TGFB2: variants seen among roughly 807,000 people sequenced by gnomAD.
The protein encoded by TGFB2 is transforming growth factor beta 2.
TGFB2 carries 13 observed loss-of-function variants against 42.7 expected under a neutral mutation model. The observed-to-expected ratio is 0.30, with a 90% CI of 0.20 to 0.48. The LOEUF (loss-of-function observed/expected upper bound fraction) is 0.48. Among genes scored for constraint, TGFB2 ranks in the 20% least tolerant of loss-of-function variants. The pLI is 0.99. For synonymous variants in TGFB2, 193 were observed against 193.6 expected (o/e 1.00, Z 0.03); for missense variants, 390 against 517.5 (o/e 0.75, Z 2.39).
At chr1:218,414,253 A>G (rs1255376515) in intron 2 of TGFB2, among the ~76,000 whole-genome samples, 2 of 146,986 alleles carry the variant, frequency 1.4e-5, no homozygotes, top group Admixed American at 6.8e-5. Context: ...ACACACACAC[A>G]CGCACACACG....
chr1:218,436,270 A>G, intron 5 of TGFB2, 123 bp downstream of exon 5: 1 of 914,152 alleles, frequency 1.1e-6, no homozygotes, highest in Non-Finnish European at 1.6e-6. Flanking sequence ...AGAGTGCAGT[A>G]CAGCTCCTGT....
At chr1:218,373,093 G>A (rs138410979) in intron 1 of TGFB2, among the ~76,000 whole-genome samples, 1,758 of 152,178 alleles carry the variant, frequency 0.012, 31 homozygotes, top group East Asian at 0.086. Flanking sequence ...TAGGAGAATC[G>A]CTTGAATCTG....
chr1:218,399,857 G>A (rs1353670844), intron 1 of TGFB2, among the ~76,000 whole-genome samples: 2 of 152,118 alleles, frequency 1.3e-5, no homozygotes, highest in East Asian at 3.9e-4. Flanking sequence ...GTTACGGTAT[G>A]GGAAGGGAGG....
At chr1:218,402,856 T>C (rs1658774533) in intron 1 of TGFB2, among the ~76,000 whole-genome samples, 1 of 152,196 alleles carries the variant, frequency 6.6e-6, no homozygotes, top group Non-Finnish European at 1.5e-5. Flanking sequence ...CATCAGCCTG[T>C]GGAAGGTTTT....
intron 1 of TGFB2, among the ~76,000 whole-genome samples, chr1:218,352,617 T>G (rs1393163586): frequency 2.0e-5 from 3 of 152,212 alleles, no homozygotes; most frequent in South Asian, 2.1e-4. Flanking sequence ...GATGGTTGGC[T>G]GTTTTGTTTC....
Position 218,423,964 on chromosome 1 carries a change from G to A in TGFB2, c.511-10118G>A, listed in dbSNP as rs185175831. 1.3e-3 allele frequency among the ~76,000 whole-genome samples: 194 copies of A among 152,278 alleles called. 1 individual carries two copies. Among genetic ancestry groups the A allele is most frequent in the Admixed American group, 2.7e-3 (41 of 15,290 alleles). ...GACTCCAAAGCCTCTGCACCTTTTC[G>A]CTACGCTAATGATTTTCAAAGGCAC... On this transcript the variant is annotated intron_variant, in intron 2 of 6. Transcript: ENST00000366930.
At chr1:218,379,092 C>A (rs1391273765) in intron 1 of TGFB2, among the ~76,000 whole-genome samples, 1 of 151,798 alleles carries the variant, frequency 6.6e-6, no homozygotes, top group East Asian at 1.9e-4. Context: ...ATTATAAAAG[C>A]AGACCGAGAA....
At chr1:218,427,742 A>AT (rs1306202100) in intron 2 of TGFB2, among the ~76,000 whole-genome samples, 1 of 152,172 alleles carries the variant, frequency 6.6e-6, no homozygotes, top group Non-Finnish European at 1.5e-5. Context: ...ATTGATGGGC[A>AT]TTTGGGTTGG....
chr1:218,351,743 A>G (rs1469025909), intron 1 of TGFB2, among the ~76,000 whole-genome samples: 1 of 151,880 alleles, frequency 6.6e-6, no homozygotes, highest in Admixed American at 6.6e-5. Flanking sequence ...CTCCACAGCA[A>G]CCCCTGTGGT....
At chr1:218,415,694 CAAAAGAAAA>C (rs1453554704) in intron 2 of TGFB2, among the ~76,000 whole-genome samples, 3 of 40,132 alleles carry the variant, frequency 7.5e-5, no homozygotes, top group Admixed American at 2.9e-4. Flanking sequence ...GACTCTGTCT[CAAAAGAAAA>C]AAAAAAAAAA....
At chr1:218,415,720 A>AAAAAT (rs1659255570) in intron 2 of TGFB2, among the ~76,000 whole-genome samples, 1 of 151,042 alleles carries the variant, frequency 6.6e-6, no homozygotes, top group Non-Finnish European at 1.5e-5. Flanking sequence ...AAAAAAAAAA[A>AAAAAT]AAAAGTTGCA....
chr1:218,407,976 C>T (rs1658968021), intron 2 of TGFB2, among the ~76,000 whole-genome samples: 1 of 152,116 alleles, frequency 6.6e-6, no homozygotes, highest in Non-Finnish European at 1.5e-5. Context: ...TTTAAACAAA[C>T]AAACAAAAAA....
At chr1:218,414,227 G>GCA (rs5781033) in intron 2 of TGFB2, among the ~76,000 whole-genome samples, 12,633 of 145,756 alleles carry the variant, frequency 0.087, 613 homozygotes, top group East Asian at 0.16. Flanking sequence ...AAACACATGT[G>GCA]CACACACACA....
At chr1:218,374,047 T>A (rs1227969461) in intron 1 of TGFB2, among the ~76,000 whole-genome samples, 1 of 152,218 alleles carries the variant, frequency 6.6e-6, no homozygotes, top group Non-Finnish European at 1.5e-5. Context: ...GATGAGTGTG[T>A]GCTTACAGTT....
intron 1 of TGFB2, among the ~76,000 whole-genome samples, chr1:218,401,899 G>A (rs1658735282): frequency 6.6e-6 from 1 of 152,212 alleles, no homozygotes; most frequent in Admixed American, 6.5e-5. Flanking sequence ...ATGAAGTAAA[G>A]GCAGGGTCAA....
At chr1:218,387,823 T>C (rs1463832205) in intron 1 of TGFB2, among the ~76,000 whole-genome samples, 1 of 152,206 alleles carries the variant, frequency 6.6e-6, no homozygotes, top group East Asian at 1.9e-4. Context: ...GAAATTAGGA[T>C]TGATGACTCT....
At chr1:218,400,635 C>T (rs1333208368) in intron 1 of TGFB2, among the ~76,000 whole-genome samples, 1 of 152,126 alleles carries the variant, frequency 6.6e-6, no homozygotes, top group Non-Finnish European at 1.5e-5. Context: ...ATTCATGTCA[C>T]CAAAAAGCAC....
intron 1 of TGFB2, among the ~76,000 whole-genome samples, chr1:218,394,079 T>G (rs1658410381): frequency 6.6e-6 from 1 of 152,062 alleles, no homozygotes; most frequent in South Asian, 2.1e-4. Flanking sequence ...GCTAATTTTT[T>G]TTTGTATTTT....
intron 1 of TGFB2, among the ~76,000 whole-genome samples, chr1:218,355,744 C>A (rs1189705131): frequency 3.9e-5 from 6 of 152,282 alleles, no homozygotes; most frequent in Non-Finnish European, 7.4e-5. Flanking sequence ...TATTATTCAT[C>A]GAATCTCATT....
Sources: gnomAD v4.1 joint callset for allele counts (sites outside exome capture counted in the v4.1 genomes callset) on GRCh38, gnomAD v4.1.1 for gene constraint, MANE v1.5 for transcripts, NCBI Gene and HGNC (gene_info 2026-07-23, HGNC 2026-07-21) for gene names.